CAMKMT: variants seen among roughly 807,000 people sequenced by gnomAD.
CAMKMT encodes the protein calmodulin-lysine N-methyltransferase.
A neutral mutation model predicts 48.0 loss-of-function variants in CAMKMT; 53 were observed. The observed-to-expected ratio is 1.10, with a 90% confidence interval of 0.89 to 1.39. The LOEUF is 1.39. CAMKMT is among the 40% of genes most tolerant of loss of function. CAMKMT has a pLI of 0.00. For missense variants in CAMKMT, 428 were observed against 402.7 expected (o/e 1.06, Z -0.54); for synonymous variants, 165 against 152.3 (o/e 1.08, Z -0.61).
intron 3 of CAMKMT, among the ~76,000 whole-genome samples, chr2:44,495,604 T>C (rs1669717059): frequency 6.6e-6 from 1 of 152,228 alleles, no homozygotes; most frequent in Admixed American, 6.5e-5. Context: ...GCTTTTGTAG[T>C]GTTAATGTTA....
At chr2:44,751,133 A>C (rs1434060732) in intron 8 of CAMKMT, among the ~76,000 whole-genome samples, 1 of 152,174 alleles carries the variant, frequency 6.6e-6, no homozygotes, top group Non-Finnish European at 1.5e-5. Context: ...CAAATTCTCT[A>C]CTTCTTGTAC....
chr2:44,480,049 A>G (rs1668887695), intron 3 of CAMKMT, among the ~76,000 whole-genome samples: 1 of 152,148 alleles, frequency 6.6e-6, no homozygotes, highest in Non-Finnish European at 1.5e-5. Flanking sequence ...ATACAAGCAT[A>G]ATTTTCTCCA....
chr2:44,557,559 C>T (rs1572793806), intron 3 of CAMKMT, among the ~76,000 whole-genome samples: 1 of 152,148 alleles, frequency 6.6e-6, no homozygotes, highest in South Asian at 2.1e-4. Flanking sequence ...CTTATTTCTT[C>T]CTTCTTTCCT....
intron 2 of CAMKMT, among the ~76,000 whole-genome samples, chr2:44,389,890 A>G (rs1681154860): frequency 6.6e-6 from 1 of 152,138 alleles, no homozygotes; most frequent in Non-Finnish European, 1.5e-5. Flanking sequence ...TGGTTCTGGA[A>G]GGTGATGATT....
At chr2:44,557,339 A>G (rs554449376) in intron 3 of CAMKMT, among the ~76,000 whole-genome samples, 63 of 152,122 alleles carry the variant, frequency 4.1e-4, no homozygotes, top group African/African-American at 1.7e-4. Context: ...TTATTTGAGG[A>G]AATAAAACTA....
chr2:44,603,185 T>C (rs1474552094), intron 3 of CAMKMT, among the ~76,000 whole-genome samples: 3 of 152,070 alleles, frequency 2.0e-5, no homozygotes, highest in Non-Finnish European at 2.9e-5. Flanking sequence ...GCCTCCTGGC[T>C]TCAAGCAATT....
intron 3 of CAMKMT, among the ~76,000 whole-genome samples, chr2:44,528,564 A>T (rs932429124): frequency 6.6e-6 from 1 of 152,220 alleles, no homozygotes; most frequent in Non-Finnish European, 1.5e-5. Context: ...TAATTCCTTA[A>T]TACCACCAGA....
intron 3 of CAMKMT, among the ~76,000 whole-genome samples, chr2:44,437,081 G>A (rs938841769): frequency 6.6e-6 from 1 of 152,034 alleles, no homozygotes; most frequent in African/African-American, 2.4e-5. Flanking sequence ...ATATTTGAGT[G>A]CTTACTATTC....
intron 3 of CAMKMT, among the ~76,000 whole-genome samples, chr2:44,689,274 T>TTATTTATA (rs1455986112): frequency 6.9e-6 from 1 of 145,696 alleles, no homozygotes; most frequent in Non-Finnish European, 1.5e-5. Context: ...TTTTATTTAT[T>TTATTTATA]TATTTATTTA....
At chr2:44,650,181 C>G (rs1209668615) in intron 3 of CAMKMT, among the ~76,000 whole-genome samples, 1 of 151,944 alleles carries the variant, frequency 6.6e-6, no homozygotes, top group East Asian at 1.9e-4. Context: ...ATCTGAAACC[C>G]CTAGGGGAGT....
chr2:44,483,683 A>G (rs1558649176), intron 3 of CAMKMT, among the ~76,000 whole-genome samples: 1 of 152,200 alleles, frequency 6.6e-6, no homozygotes, highest in Non-Finnish European at 1.5e-5. Flanking sequence ...TCAGTTCTCA[A>G]TATAAAACAA....
rs573800946 is a variant in CAMKMT, at chr2:44,362,547, C to T, written c.138+402C>T. Among the ~76,000 whole-genome samples, 6 of 152,298 alleles carry T rather than the reference C, an allele frequency of 3.9e-5. No individual in the cohort carries two copies. In the South Asian group the frequency reaches 8.3e-4, roughly 21 times the overall value. ...TTAACTCCCAGCCTGGTTCGAGTTA[C>T]CGATATTCGTCTGCACCCTCTGGCC... On this transcript the variant is annotated intron_variant, in intron 1 of 10. Transcript: ENST00000378494.
intron 3 of CAMKMT, among the ~76,000 whole-genome samples, chr2:44,517,128 T>G (rs1323147302): frequency 6.6e-6 from 1 of 152,188 alleles, no homozygotes; most frequent in Admixed American, 6.5e-5. Context: ...TTAATGAAAT[T>G]TCTGATTAAT....
intron 3 of CAMKMT, among the ~76,000 whole-genome samples, chr2:44,639,093 G>A (rs1673307159): frequency 6.6e-6 from 1 of 152,166 alleles, no homozygotes; most frequent in African/African-American, 2.4e-5. Context: ...AATGAACCAA[G>A]ACCAGTTCTT....
chr2:44,463,801 A>G (rs1285120308), intron 3 of CAMKMT, among the ~76,000 whole-genome samples: 1 of 152,218 alleles, frequency 6.6e-6, no homozygotes, highest in African/African-American at 2.4e-5. Context: ...TCCCCATAAA[A>G]GGATTGAGAG....
Position 44,715,319 on chromosome 2 carries a change from G to A in CAMKMT, c.589G>A (p.Ala197Thr). 3 of 1,613,434 alleles carry A rather than the reference G, an allele frequency of 1.9e-6. No individual in the cohort carries two copies. Among genetic ancestry groups the A allele is most frequent in the Non-Finnish European group, 1.7e-6 (2 of 1,179,634 alleles). ...AGACATCATCACAAGGAATCAGAAGGCTGGTGTGTTTAAGACCCAGAAAAT... is the reference window on the plus strand; with the variant it reads ...AGACATCATCACAAGGAATCAGAAGACTGGTGTGTTTAAGACCCAGAAAAT... Reference protein sequence around the residue: ...VQDIITRNQKAGVFKTQKISS... With the variant: ...VQDIITRNQKTGVFKTQKISS... The change falls in exon 7 of 11, where the codon GCT becomes ACT. Residue 197 changes from alanine (A) to threonine (T), a missense_variant. Transcript: ENST00000378494.
intron 3 of CAMKMT, among the ~76,000 whole-genome samples, chr2:44,546,756 C>G (rs143668940): frequency 6.6e-6 from 1 of 152,310 alleles, no homozygotes; most frequent in East Asian, 1.9e-4. Context: ...TTTATGATAT[C>G]TGTGACAGAG....
Position 44,772,061 on chromosome 2 carries a change from A to G in CAMKMT, c.920A>G (p.Tyr307Cys). Residue 307 changes from tyrosine (Y) to cysteine (C), a missense_variant, in exon 11 of 11, where the codon TAT becomes TGT. Physicochemically the swap from Tyr to Cys is radical, Grantham distance 194. Transcript: ENST00000378494. ...SKLKKENPDI[Y>C]EENLHYPLLL... ...TTGAAAAAGGAAAACCCGGACATAT[A>G]TGAAGAAAACCTTCATTACCCGCTT... is the stretch of plus-strand genomic sequence containing the variant. 6.2e-7 allele frequency: 1 copy of G among 1,613,852 alleles called. No individual in the cohort carries two copies. The highest frequency in any genetic ancestry group is 8.5e-7 in the Non-Finnish European group (1 of 1,179,868).
intron 3 of CAMKMT, among the ~76,000 whole-genome samples, chr2:44,457,578 T>C (rs113981626): frequency 0.015 from 2,243 of 152,068 alleles, 28 homozygotes; most frequent in Non-Finnish European, 0.022. Flanking sequence ...TTTGTATTTT[T>C]AGTAGAGATG....
Sources: allele counts gnomAD v4.1 joint callset (sites outside exome capture counted in the v4.1 genomes callset), GRCh38; gene constraint gnomAD v4.1.1; transcripts MANE v1.5; gene names NCBI Gene and HGNC (gene_info 2026-07-23, HGNC 2026-07-21).